Variants in RPS25 observed in about 807,000 individuals in gnomAD.
The protein encoded by RPS25 is small ribosomal subunit protein eS25.
A neutral mutation model predicts 14.4 loss-of-function variants in RPS25; 1 was observed. The ratio of observed to expected loss-of-function variants is 0.07; its 90% CI spans 0.02 to 0.33. The LOEUF (loss-of-function observed/expected upper bound fraction) is 0.33, where lower values mean the gene tolerates loss of function less well. Ranked by LOEUF, RPS25 falls within the 10% of genes least tolerant of loss-of-function variation. The pLI is 1.00. For synonymous variants in RPS25, 63 were observed against 53.8 expected, an observed-to-expected ratio of 1.17 and a Z score of -0.75; for missense variants, 65 against 144.6, an observed-to-expected ratio of 0.45 and a Z score of 2.82.
At chr11:119,018,143 C>G (rs148307309) in intron 1 of RPS25, 90 bp from the exon 2 acceptor site, 271 of 1,559,276 alleles carry the variant, frequency 1.7e-4, no homozygotes, top group Non-Finnish European at 1.2e-4. Context: ...AACTCCACCA[C>G]CAGAGCACAT....
intron 2 of RPS25, 144 bp from the exon 3 acceptor site, chr11:119,017,689 A>G (rs1216935403): frequency 1.9e-5 from 16 of 828,350 alleles, no homozygotes; most frequent in Non-Finnish European, 3.0e-5. Flanking sequence ...AAAAAAAAAC[A>G]CCGACACGTT....
intron 3 of RPS25, among the ~76,000 whole-genome samples, chr11:119,016,543 T>G (rs1469824074): frequency 6.6e-6 from 1 of 151,932 alleles, no homozygotes; most frequent in Non-Finnish European, 1.5e-5. Context: ...GCTCCAGAAT[T>G]GCTTAATCTG....
At chr11:119,016,556 G>A (rs1044203892) in intron 3 of RPS25, among the ~76,000 whole-genome samples, 1 of 151,482 alleles carries the variant, frequency 6.6e-6, no homozygotes, top group African/African-American at 2.4e-5. Context: ...TTAATCTGAC[G>A]TTCGGTAACC....
chr11:119,015,958 A>T lies in RPS25; in HGVS notation c.284-19T>A. On this transcript the variant is annotated intron_variant, in intron 3 of 4. Coordinates refer to ENST00000527673, the MANE Select transcript of RPS25 (RefSeq NM_001028.3). ...ATAAGTCCTAGGGGGAGAGAATAGC[A>T]CGATGAGATGCTTAACAGATGCTAC... is the stretch of plus-strand genomic sequence containing the variant. 4.2e-6 allele frequency: 6 copies of T among 1,424,504 alleles called. No individual in the cohort carries two copies. The highest frequency in any genetic ancestry group is 6.0e-6 in the Non-Finnish European group (6 of 1,007,816). The allele number at this position is 1,424,504 out of a possible 1,614,324, so 88.2% of individuals were successfully genotyped here.
chr11:119,015,761 G>A lies in RPS25; in HGVS notation c.*5-3C>T. ...TCCAAATGTACAGCTGGTTGGACCT[G>A]TAAAAAAAAATTAAAAGAATCAGAA... On this transcript the variant is annotated splice_region_variant and splice_polypyrimidine_tract_variant and intron_variant, in intron 4 of 4. Coordinates refer to ENST00000527673, the MANE Select transcript of RPS25 (RefSeq NM_001028.3). 1 of 1,283,532 alleles carries A rather than the reference G, an allele frequency of 7.8e-7. No homozygotes were observed. The highest frequency in any genetic ancestry group is 1.1e-6 in the Non-Finnish European group (1 of 895,784). The allele number at this position is 1,283,532 out of a possible 1,614,324, so 79.5% of individuals were successfully genotyped here. A position where few individuals can be genotyped will look rare whatever the true frequency, so the allele number is the denominator to read the frequency against.
chr11:119,016,513 C>G (rs1592089104), intron 3 of RPS25, among the ~76,000 whole-genome samples: 1 of 151,870 alleles, frequency 6.6e-6, no homozygotes, highest in Admixed American at 6.6e-5. Flanking sequence ...GCTAGAAATA[C>G]AAGGGTACCA....
intron 3 of RPS25, among the ~76,000 whole-genome samples, chr11:119,016,901 C>T (rs149912907): frequency 2.9e-4 from 44 of 152,276 alleles, no homozygotes; most frequent in African/African-American, 8.4e-4. Flanking sequence ...GAATTATAGA[C>T]GTTCAGTCAC....
At chr11:119,016,787 C>T (rs1189649686) in intron 3 of RPS25, among the ~76,000 whole-genome samples, 2 of 152,054 alleles carry the variant, frequency 1.3e-5, no homozygotes, top group Admixed American at 6.6e-5. Flanking sequence ...TGTGCCCCCA[C>T]GTCCAGCTAA....
At position 119,018,331 on chromosome 11, in the gene RPS25, G is replaced by C. The variant is rs1367754483; in HGVS notation, c.-47C>G. 6.2e-7 allele frequency: 1 copy of C among 1,613,886 alleles called. No homozygotes were observed. Among genetic ancestry groups the C allele is most frequent in the Non-Finnish European group, 8.5e-7 (1 of 1,179,908 alleles). ...GCAGACACCGCAGCCTCGTCAAGAT[G>C]TCGGACAAAAAGGAAGCGCTGCTCA... On this transcript the variant is annotated 5_prime_UTR_variant, in exon 1 of 5. Transcript: ENST00000527673.
chr11:119,017,090 C>G (rs1943180603), intron 3 of RPS25, among the ~76,000 whole-genome samples: 2 of 152,172 alleles, frequency 1.3e-5, no homozygotes, highest in African/African-American at 4.8e-5. Context: ...AAACGGTTGT[C>G]CCTGTAATTC....
At chr11:119,016,398 A>G (rs1310101584) in intron 3 of RPS25, among the ~76,000 whole-genome samples, 2 of 152,060 alleles carry the variant, frequency 1.3e-5, no homozygotes, top group East Asian at 1.9e-4. Flanking sequence ...CCGCATCTCT[A>G]TTTAAAGAAA....
chr11:119,015,988 G>GA (rs1345373230), intron 3 of RPS25, 49 bp from the exon 4 acceptor site: 1 of 1,202,924 alleles, frequency 8.3e-7, no homozygotes, highest in Non-Finnish European at 1.2e-6. Flanking sequence ...TGCTACAATA[G>GA]AAACTAGTAA....
intron 2 of RPS25, 89 bp from the exon 3 acceptor site, chr11:119,017,634 T>C: frequency 8.7e-7 from 1 of 1,154,600 alleles, no homozygotes; most frequent in Non-Finnish European, 1.2e-6. Context: ...AGAAATCTGT[T>C]CCACCGTTAT....
chr11:119,015,954 T>A lies in RPS25; in HGVS notation c.284-15A>T, dbSNP rs782212077. On this transcript the variant is annotated splice_polypyrimidine_tract_variant and intron_variant, in intron 3 of 4. Transcript: ENST00000527673. ...TTTGATAAGTCCTAGGGGGAGAGAA[T>A]AGCACGATGAGATGCTTAACAGATG... 1.4e-6 allele frequency: 2 copies of A among 1,478,102 alleles called. No homozygotes were observed. The highest frequency in any genetic ancestry group is 1.1e-5 in the South Asian group (1 of 88,322). 91.6% of individuals were successfully genotyped at this position (1,478,102 alleles called of 1,614,324 possible).
At chr11:119,015,786 A>T in intron 4 of RPS25, 28 bp from the exon 5 acceptor site, 4 of 1,353,294 alleles carry the variant, frequency 3.0e-6, no homozygotes, top group Non-Finnish European at 3.1e-6. Context: ...AAGAATCAGA[A>T]CCATAAAGCT....
Position 119,017,520 on chromosome 11 carries a change from T to C in RPS25, c.125A>G (p.Asp42Gly). The change falls in exon 3 of 5, where the codon GAC (aspartate) becomes GGC (glycine). Residue 42 changes from aspartate (D) to glycine (G), a missense_variant. Coordinates refer to ENST00000527673, the MANE Select transcript of RPS25 (RefSeq NM_001028.3). ...KKKWSKGKVR[D>G]KLNNLVLFDK... ...AAACAAGACTAAGTTATTGAGCTTG[T>C]CCCGAACTTTGCCTTTGGACCACTT... 1 of 1,614,120 alleles carries C rather than the reference T, an allele frequency of 6.2e-7. No individual in the cohort carries two copies. The highest frequency in any genetic ancestry group is 8.5e-7 in the Non-Finnish European group (1 of 1,179,994).
At chr11:119,015,782 C>T in intron 4 of RPS25, 24 bp from the exon 5 acceptor site, 2 of 1,347,618 alleles carry the variant, frequency 1.5e-6, no homozygotes, top group Non-Finnish European at 2.1e-6. Flanking sequence ...TTAAAAGAAT[C>T]AGAACCATAA....
At chr11:119,018,245 C>G in intron 1 of RPS25, 37 bp downstream of exon 1, 2 of 1,614,096 alleles carry the variant, frequency 1.2e-6, no homozygotes, top group Non-Finnish European at 8.5e-7. Context: ...GTCCTCAAAC[C>G]CAAGAACGCC....
At chr11:119,017,846 T>C in intron 2 of RPS25, 112 bp downstream of exon 2, 1 of 854,060 alleles carries the variant, frequency 1.2e-6, no homozygotes, top group Non-Finnish European at 1.9e-6. Flanking sequence ...AACTCTCACA[T>C]TTTGACTCTA....
Sources: allele counts gnomAD v4.1 joint callset (sites outside exome capture counted in the v4.1 genomes callset), GRCh38; gene constraint gnomAD v4.1.1; transcripts MANE v1.5; gene names NCBI Gene and HGNC (gene_info 2026-07-23, HGNC 2026-07-21).